The following ANKRD22 variants were observed in gnomAD, a reference collection of about 807,000 sequenced individuals.
The protein encoded by ANKRD22 is ankyrin repeat domain-containing protein 22.
Under a neutral mutation model 25.7 loss-of-function variants are expected in ANKRD22, and 24 were observed. That is an observed-to-expected ratio of 0.93 (90% CI 0.68 to 1.31). The LOEUF (loss-of-function observed/expected upper bound fraction) is 1.31, where lower values mean the gene tolerates loss of function less well. Among genes scored for constraint, ANKRD22 ranks in the 50% most tolerant of loss-of-function variants. The pLI, the probability that ANKRD22 is intolerant of heterozygous loss-of-function variation, is 0.00. For missense variants in ANKRD22, 214 were observed against 227.1 expected (o/e 0.94, Z 0.37); for synonymous variants, 84 against 84.3 (o/e 1.00, Z 0.02).
At chr10:88,832,222 C>T (rs1045346732) in intron 1 of ANKRD22, among the ~76,000 whole-genome samples, 196 bp from the exon 2 acceptor site, 2 of 152,068 alleles carry the variant, frequency 1.3e-5, no homozygotes, top group Non-Finnish European at 2.9e-5. Context: ...TGAGGAACCT[C>T]CTACATTTTC....
In ANKRD22 at chr10:88,829,001, A is replaced by G. The variant is rs769198227; in HGVS notation, c.214-335T>C. On this transcript the variant is annotated intron_variant, in intron 2 of 5. Coordinates refer to ENST00000371930, the MANE Select transcript of ANKRD22 (RefSeq NM_144590.3). ...TAAACTTAGGACTGAATTTACTATG[A>G]AAATTGATAGTTATCCCTTAATCAT... Among the ~76,000 whole-genome samples the G allele has an allele frequency of 9.2e-5, 14 of 152,236 alleles. 1 individual carries two copies. Among genetic ancestry groups the G allele is most frequent in the Non-Finnish European group, 2.1e-4 (14 of 68,042 alleles).
intron 1 of ANKRD22, among the ~76,000 whole-genome samples, chr10:88,839,943 T>C (rs1843989298): frequency 6.6e-6 from 1 of 152,188 alleles, no homozygotes; most frequent in South Asian, 2.1e-4. Context: ...GGGGCATTAG[T>C]GCTCTTTAAA....
chr10:88,851,333 T>G (rs541756093), intron 1 of ANKRD22, among the ~76,000 whole-genome samples: 1 of 152,310 alleles, frequency 6.6e-6, no homozygotes, highest in African/African-American at 2.4e-5. Flanking sequence ...AACATCCAGA[T>G]ACTATGAAAT....
At chr10:88,849,418 A>G (rs1173476061) in intron 1 of ANKRD22, among the ~76,000 whole-genome samples, 2 of 152,166 alleles carry the variant, frequency 1.3e-5, no homozygotes, top group African/African-American at 4.8e-5. Flanking sequence ...AGCATGACAT[A>G]TCTGTTGAAA....
intron 1 of ANKRD22, among the ~76,000 whole-genome samples, chr10:88,833,756 C>G (rs1227194787): frequency 6.6e-6 from 1 of 152,196 alleles, no homozygotes; most frequent in African/African-American, 2.4e-5. Context: ...ACTAGAAATG[C>G]ACAATTTCAC....
intron 1 of ANKRD22, among the ~76,000 whole-genome samples, chr10:88,838,633 G>A (rs1411628044): frequency 6.6e-6 from 1 of 152,138 alleles, no homozygotes; most frequent in Non-Finnish European, 1.5e-5. Context: ...TGAGGTCACT[G>A]AGGATGACCC....
chr10:88,842,156 A>T (rs1188018680), intron 1 of ANKRD22, among the ~76,000 whole-genome samples: 1 of 152,158 alleles, frequency 6.6e-6, no homozygotes, highest in African/African-American at 2.4e-5. Flanking sequence ...TGGGAAAAAT[A>T]AAAAATAACA....
At chr10:88,827,286 A>G (rs1195835233) in intron 3 of ANKRD22, among the ~76,000 whole-genome samples, 1 of 152,154 alleles carries the variant, frequency 6.6e-6, no homozygotes, top group Non-Finnish European at 1.5e-5. Context: ...TTGTTAATTC[A>G]TCACAAATTT....
intron 1 of ANKRD22, among the ~76,000 whole-genome samples, chr10:88,836,079 ATCT>A (rs1296924097): frequency 1.3e-5 from 2 of 152,196 alleles, no homozygotes; most frequent in African/African-American, 4.8e-5. Flanking sequence ...ACTGCTTCAG[ATCT>A]TCATCATTCT....
At chr10:88,838,318 G>GT (rs1189445642) in intron 1 of ANKRD22, among the ~76,000 whole-genome samples, 1 of 152,162 alleles carries the variant, frequency 6.6e-6, no homozygotes, top group African/African-American at 2.4e-5. Context: ...AAACATGTCT[G>GT]TCAGGCAAGA....
intron 1 of ANKRD22, among the ~76,000 whole-genome samples, chr10:88,847,380 T>A (rs929747721): frequency 6.6e-6 from 1 of 152,132 alleles, no homozygotes; most frequent in Non-Finnish European, 1.5e-5. Flanking sequence ...TGCCTCAGCC[T>A]CCCAAGTAGC....
At position 88,820,174 on chromosome 10, in the gene ANKRD22, A is replaced by G; in HGVS notation, c.*2767T>C. 1 of 1,381,282 alleles carries G rather than the reference A, an allele frequency of 7.2e-7. No individual in the cohort carries two copies. Among genetic ancestry groups the G allele is most frequent in the Non-Finnish European group, 9.8e-7 (1 of 1,024,748 alleles). The allele number at this position is 1,381,282 out of a possible 1,614,324, so 85.6% of individuals were successfully genotyped here. A position where few individuals can be genotyped will look rare whatever the true frequency, so the allele number is the denominator to read the frequency against. On this transcript the variant is annotated 3_prime_UTR_variant, in exon 6 of 6. Coordinates refer to ENST00000371930, the MANE Select transcript of ANKRD22 (RefSeq NM_144590.3). ...TTTATTATGTCTATTTGAAACATAAATTATGAGCCTGAAAGTCCAAATGTT... is the reference window on the plus strand; with the variant it reads ...TTTATTATGTCTATTTGAAACATAAGTTATGAGCCTGAAAGTCCAAATGTT...
intron 1 of ANKRD22, among the ~76,000 whole-genome samples, chr10:88,841,066 A>G (rs1843999662): frequency 6.6e-6 from 1 of 152,114 alleles, no homozygotes; most frequent in Non-Finnish European, 1.5e-5. Context: ...CTTTATCCTG[A>G]AAGGTCTGTT....
At chr10:88,849,122 C>T (rs1226571439) in intron 1 of ANKRD22, among the ~76,000 whole-genome samples, 2 of 152,002 alleles carry the variant, frequency 1.3e-5, no homozygotes, top group African/African-American at 4.8e-5. Context: ...TCAAGAAACG[C>T]TTTTTGGGGC....
At chr10:88,844,760 T>C (rs2133081378) in intron 1 of ANKRD22, among the ~76,000 whole-genome samples, 1 of 152,268 alleles carries the variant, frequency 6.6e-6, no homozygotes, top group East Asian at 1.9e-4. Context: ...CCACAATTTT[T>C]CTAGCTGAAA....
intron 2 of ANKRD22, among the ~76,000 whole-genome samples, chr10:88,829,597 T>C (rs1361180963): frequency 6.6e-6 from 1 of 152,232 alleles, no homozygotes; most frequent in African/African-American, 2.4e-5. Context: ...TGCAATATCA[T>C]ATCTTGCTTT....
At position 88,822,708 on chromosome 10, in the gene ANKRD22, G is replaced by T; in HGVS notation, c.*233C>A. The T allele has an allele frequency of 2.2e-6, 1 of 457,564 alleles. No homozygotes were observed. Among genetic ancestry groups the T allele is most frequent in the Non-Finnish European group, 3.9e-6 (1 of 254,068 alleles). The allele number at this position is 457,564 out of a possible 1,614,324, so 28.3% of individuals were successfully genotyped here. ...GAAACATCAGTTTCTGACTGAAGTG[G>T]AGACTACAACAACTTTAGTGTTTCC... On this transcript the variant is annotated 3_prime_UTR_variant, in exon 6 of 6. Transcript: ENST00000371930.
intron 1 of ANKRD22, among the ~76,000 whole-genome samples, chr10:88,846,737 A>G (rs1245892636): frequency 6.6e-6 from 1 of 152,128 alleles, no homozygotes. Context: ...ATCCCAGCGC[A>G]ATTATCCTGT....
intron 1 of ANKRD22, among the ~76,000 whole-genome samples, chr10:88,833,159 G>A (rs969990979): frequency 2.6e-5 from 4 of 152,156 alleles, no homozygotes; most frequent in East Asian, 1.9e-4. Flanking sequence ...AGTTCAGGCC[G>A]TAAACCCCAT....
Sources: allele counts gnomAD v4.1 joint callset (sites outside exome capture counted in the v4.1 genomes callset), GRCh38; gene constraint gnomAD v4.1.1; transcripts MANE v1.5; gene names NCBI Gene and HGNC (gene_info 2026-07-23, HGNC 2026-07-21).